The following NEDD8 variants were observed in gnomAD, a reference collection of about 807,000 sequenced individuals.
NEDD8 encodes ubiquitin-like protein NEDD8.
In NEDD8, 1 loss-of-function variant was observed where a neutral mutation model predicts 13.8. The ratio of observed to expected loss-of-function variants is 0.07; its 90% CI spans 0.03 to 0.34. The LOEUF (loss-of-function observed/expected upper bound fraction) is 0.34. Ranked by LOEUF, NEDD8 falls within the 10% of genes least tolerant of loss-of-function variation. The probability of loss-of-function intolerance (pLI) is 0.99; values close to 1 mark genes in which losing one functional copy is unlikely to be tolerated. For missense variants in NEDD8, 10 were observed against 95.2 expected, an observed-to-expected ratio of 0.10 and a Z score of 3.73; for synonymous variants, 31 against 33.2, an observed-to-expected ratio of 0.93 and a Z score of 0.23.
intron 1 of NEDD8, among the ~76,000 whole-genome samples, chr14:24,230,002 G>A (rs1320979537): frequency 2.0e-4 from 30 of 151,738 alleles, no homozygotes; most frequent in Admixed American, 6.6e-5. Flanking sequence ...CCCGGGAGGC[G>A]GAGGTTGCAG....
chr14:24,225,579 T>C (rs1210824197), intron 1 of NEDD8, among the ~76,000 whole-genome samples: 1 of 152,188 alleles, frequency 6.6e-6, no homozygotes, highest in Non-Finnish European at 1.5e-5. Context: ...TATGAGATGA[T>C]AATTTTTGAA....
chr14:24,220,023 C>A (rs781638342), intron 1 of NEDD8, among the ~76,000 whole-genome samples: 20 of 152,196 alleles, frequency 1.3e-4, no homozygotes, highest in Admixed American at 4.6e-4. Context: ...CCTGTAATCC[C>A]AACTACTCAG....
chr14:24,220,878 C>T (rs1486364418), intron 1 of NEDD8, among the ~76,000 whole-genome samples: 1 of 152,194 alleles, frequency 6.6e-6, no homozygotes, highest in Non-Finnish European at 1.5e-5. Flanking sequence ...ACCCAATGTA[C>T]ACTCCTATAG....
intron 1 of NEDD8, among the ~76,000 whole-genome samples, chr14:24,221,204 A>ATGGTGGTGACAAT (rs1181128244): frequency 6.6e-6 from 1 of 152,166 alleles, no homozygotes; most frequent in Non-Finnish European, 1.5e-5. Context: ...CTTTCAGAGA[A>ATGGTGGTGACAAT]TGGTGGTGAC....
Position 24,217,232 on chromosome 14 carries a change from AAAGG to A in NEDD8, c.150-13_150-10del. The A allele has an allele frequency of 6.2e-7, 1 of 1,601,572 alleles. No individual in the cohort carries two copies. The highest frequency in any genetic ancestry group is 8.5e-7 in the Non-Finnish European group (1 of 1,174,790). Reference sequence around the variant, plus strand: ...CTGTCTTCTCATCATTCCTGCAGGAAAAGGAAGCCAGAAAAAAAAGAAAAAGAAG... The same window carrying A: ...CTGTCTTCTCATCATTCCTGCAGGAAAAGCCAGAAAAAAAAGAAAAAGAAG... On this transcript the variant is annotated splice_polypyrimidine_tract_variant and intron_variant, in intron 3 of 3. Coordinates refer to ENST00000250495, the MANE Select transcript of NEDD8 (RefSeq NM_006156.3).
chr14:24,220,417 G>A (rs1312290522), intron 1 of NEDD8, among the ~76,000 whole-genome samples: 1 of 152,104 alleles, frequency 6.6e-6, no homozygotes, highest in Non-Finnish European at 1.5e-5. Context: ...GACCTCCTGG[G>A]TTCAAACAAC....
intron 3 of NEDD8, 46 bp from the exon 4 acceptor site, chr14:24,217,269 A>ACT: frequency 6.7e-7 from 1 of 1,497,536 alleles, no homozygotes; most frequent in Non-Finnish European, 9.0e-7. Flanking sequence ...AAGACTTAGG[A>ACT]GTTTTTTGTT....
At position 24,220,885 on chromosome 14, in the gene NEDD8, A is replaced by G. The variant is rs116780618; in HGVS notation, c.19-2454T>C. On this transcript the variant is annotated intron_variant, in intron 1 of 3. Coordinates refer to ENST00000250495, the MANE Select transcript of NEDD8 (RefSeq NM_006156.3). The stretch of plus-strand genomic sequence containing the variant: ...GTATTGGGACCCAATGTACACTCCT[A>G]TAGTAGCTCACAAAATAACATATGG... Among the ~76,000 whole-genome samples, 540 of 152,320 alleles carry G rather than the reference A, an allele frequency of 3.5e-3. 5 individuals carry two copies. Among genetic ancestry groups the G allele is most frequent in the African/African-American group, 0.013 (520 of 41,564 alleles).
At chr14:24,231,485 AG>A (rs1289945553) in intron 1 of NEDD8, among the ~76,000 whole-genome samples, 3 of 2,364 alleles carry the variant, frequency 1.3e-3, no homozygotes, top group African/African-American at 6.3e-3. Context: ...TGTTTTTTTG[AG>A]GGGGGCGTGG....
chr14:24,219,746 C>A (rs1019690756), intron 1 of NEDD8, among the ~76,000 whole-genome samples: 1 of 152,148 alleles, frequency 6.6e-6, no homozygotes, highest in Non-Finnish European at 1.5e-5. Context: ...CACAAACACA[C>A]CATGCTCATT....
intron 1 of NEDD8, among the ~76,000 whole-genome samples, chr14:24,221,210 G>A (rs889446049): frequency 3.3e-5 from 5 of 152,172 alleles, no homozygotes; most frequent in South Asian, 2.1e-4. Flanking sequence ...GAGAATGGTG[G>A]TGACAATTTG....
chr14:24,219,240 T>C (rs917599290), intron 1 of NEDD8, among the ~76,000 whole-genome samples: 1 of 151,004 alleles, frequency 6.6e-6, no homozygotes, highest in Admixed American at 6.6e-5. Context: ...GGCGGGAGGA[T>C]CACTTGAGCC....
intron 1 of NEDD8, among the ~76,000 whole-genome samples, chr14:24,220,464 G>A (rs984319000): frequency 5.3e-5 from 8 of 152,156 alleles, no homozygotes; most frequent in Non-Finnish European, 7.4e-5. Context: ...AAGGACTACA[G>A]GGTGTGTGCA....
At chr14:24,227,003 T>C (rs1263005288) in intron 1 of NEDD8, 1 of 152,192 alleles carries the variant, frequency 6.6e-6, no homozygotes, top group Non-Finnish European at 1.5e-5. Context: ...TACTATTCAG[T>C]AATAAGAAGG....
intron 1 of NEDD8, among the ~76,000 whole-genome samples, chr14:24,225,547 G>A (rs1054285364): frequency 1.4e-4 from 21 of 152,310 alleles, no homozygotes; most frequent in African/African-American, 4.8e-4. Flanking sequence ...GAGTTGGTGA[G>A]TTTAAATTAA....
intron 1 of NEDD8, among the ~76,000 whole-genome samples, chr14:24,230,459 C>T (rs2039974387): frequency 7.7e-6 from 1 of 130,120 alleles, no homozygotes; most frequent in Admixed American, 8.8e-5. Flanking sequence ...GGCATGAACC[C>T]GGGAGGCGAA....
At chr14:24,220,000 G>A (rs1002541425) in intron 1 of NEDD8, among the ~76,000 whole-genome samples, 2 of 152,134 alleles carry the variant, frequency 1.3e-5, no homozygotes, top group African/African-American at 2.4e-5. Context: ...TTAGCCAGGC[G>A]TGGTGGCGCA....
At chr14:24,218,734 G>A (rs532630707) in intron 1 of NEDD8, 12 of 443,278 alleles carry the variant, frequency 2.7e-5, no homozygotes, top group African/African-American at 6.0e-5. Context: ...TAGATGATAC[G>A]GCAATGAAAG....
At chr14:24,225,317 A>G (rs1328214769) in intron 1 of NEDD8, among the ~76,000 whole-genome samples, 1 of 152,220 alleles carries the variant, frequency 6.6e-6, no homozygotes, top group African/African-American at 2.4e-5. Flanking sequence ...ACCAATGGCA[A>G]TGTATGGATC....
Sources: gnomAD v4.1 joint callset for allele counts (sites outside exome capture counted in the v4.1 genomes callset) on GRCh38, gnomAD v4.1.1 for gene constraint, MANE v1.5 for transcripts, NCBI Gene and HGNC (gene_info 2026-07-23, HGNC 2026-07-21) for gene names.